The following GSTA5 variants were observed in gnomAD, a reference collection of about 807,000 sequenced individuals.
The protein encoded by GSTA5 is glutathione S-transferase A5.
Under a neutral mutation model 21.8 loss-of-function variants are expected in GSTA5, and 25 were observed. The observed-to-expected ratio is 1.14, with a 90% confidence interval of 0.83 to 1.60. The LOEUF (loss-of-function observed/expected upper bound fraction) is 1.60, where lower values mean the gene tolerates loss of function less well. Among genes scored for constraint, GSTA5 ranks in the 40% most tolerant of loss-of-function variants. The pLI is 0.00. For missense variants in GSTA5, 330 were observed against 259.2 expected (o/e 1.27, Z -1.88); for synonymous variants, 102 against 89.5 (o/e 1.14, Z -0.78).
chr6:52,834,904 C>T (rs1344424415), intron 3 of GSTA5, among the ~76,000 whole-genome samples: 1 of 152,196 alleles, frequency 6.6e-6, no homozygotes, highest in East Asian at 1.9e-4. Flanking sequence ...ACCTAAGAAT[C>T]CCCTTCCCCG....
exon 6 of GSTA5, chr6:52,831,933 T>C: frequency 6.2e-7 from 1 of 1,614,022 alleles, no homozygotes; most frequent in Non-Finnish European, 8.5e-7. Flanking sequence ...CAGAAACTTC[T>C]TCACCGTGGG....
At chr6:52,840,277 G>A (rs1764353810) in intron 1 of GSTA5, among the ~76,000 whole-genome samples, 1 of 152,084 alleles carries the variant, frequency 6.6e-6, no homozygotes, top group African/African-American at 2.4e-5. Flanking sequence ...TTCTCCTTTT[G>A]TAATAATTCC....
exon 1 of GSTA5, chr6:52,840,771 T>A (rs201823448): frequency 1.2e-6 from 2 of 1,614,164 alleles, no homozygotes; most frequent in East Asian, 4.5e-5. Flanking sequence ...GACTCCATAC[T>A]GCCCCGTGCA....
chr6:52,835,874 C>T (rs1442708556), intron 3 of GSTA5, among the ~76,000 whole-genome samples: 2 of 152,184 alleles, frequency 1.3e-5, no homozygotes, highest in African/African-American at 2.4e-5. Context: ...CATCTACAGA[C>T]TCTCAGACAT....
At chr6:52,844,799 C>T (rs989521586), upstream of GSTA5, among the ~76,000 whole-genome samples, 1 of 152,160 alleles carries the variant, frequency 6.6e-6, no homozygotes, top group African/African-American at 2.4e-5. Flanking sequence ...TGTCCCAGTG[C>T]TTGGAAGATG....
At chr6:52,832,778 C>T (rs4715344) in intron 5 of GSTA5, 81 bp downstream of exon 5, 771,865 of 1,598,840 alleles carry the variant, frequency 0.48, 193,971 homozygotes, top group East Asian at 0.7. Context: ...GGGGTCAAAA[C>T]ATGGTCAGTC....
upstream of GSTA5, among the ~76,000 whole-genome samples, chr6:52,841,461 G>A (rs530596327): frequency 6.6e-5 from 10 of 152,348 alleles, no homozygotes; most frequent in East Asian, 1.7e-3. Flanking sequence ...CTCTGGCTGT[G>A]AGACTGCATT....
intron 2 of GSTA5, among the ~76,000 whole-genome samples, chr6:52,837,179 G>A (rs1377516710): frequency 6.6e-6 from 1 of 152,170 alleles, no homozygotes; most frequent in East Asian, 1.9e-4. Context: ...AAACCTCAAG[G>A]CAATGGCCAC....
chr6:52,844,673 A>G (rs1764429449), upstream of GSTA5, among the ~76,000 whole-genome samples: 1 of 152,176 alleles, frequency 6.6e-6, no homozygotes, highest in Admixed American at 6.5e-5. Flanking sequence ...CTGAGCCTCA[A>G]TTTTCTCTTC....
intron 3 of GSTA5, among the ~76,000 whole-genome samples, chr6:52,835,860 C>T (rs1260866343): frequency 1.3e-5 from 2 of 152,144 alleles, no homozygotes; most frequent in East Asian, 1.9e-4. Context: ...CCTCCCCAGG[C>T]CTTCATCTAC....
At chr6:52,844,319 G>A (rs7748890), upstream of GSTA5, among the ~76,000 whole-genome samples, 24,730 of 152,048 alleles carry the variant, frequency 0.16, 4,038 homozygotes, top group African/African-American at 0.42. Flanking sequence ...ACTAAATGTT[G>A]GAAGGAGAGG....
exon 6 of GSTA5, chr6:52,831,801 CTG>C (rs1561925096): frequency 6.2e-7 from 1 of 1,608,508 alleles, no homozygotes; most frequent in Admixed American, 1.7e-5. Flanking sequence ...TTGTTGCAAA[CTG>C]TAGAATATTG....
chr6:52,833,092 C>T (rs4715347), intron 4 of GSTA5, 102 bp from the exon 5 acceptor site: 1,340,048 of 1,351,196 alleles, frequency 0.99, 665,076 homozygotes, highest in East Asian at 1. Context: ...ACCTCTGTTG[C>T]CTTATTGCAT....
chr6:52,833,418 C>A (rs572372248), intron 4 of GSTA5, among the ~76,000 whole-genome samples: 2 of 152,308 alleles, frequency 1.3e-5, no homozygotes, highest in East Asian at 3.9e-4. Flanking sequence ...CACTTTTCCC[C>A]TAGAAGGAGA....
chr6:52,841,063 C>A (rs1764367768), upstream of GSTA5, among the ~76,000 whole-genome samples: 1 of 152,084 alleles, frequency 6.6e-6, no homozygotes, highest in Non-Finnish European at 1.5e-5. Flanking sequence ...TCTTGGCAGC[C>A]TAAGAGGTGA....
At chr6:52,835,918 T>C (rs1764285519) in intron 3 of GSTA5, among the ~76,000 whole-genome samples, 1 of 152,212 alleles carries the variant, frequency 6.6e-6, no homozygotes, top group African/African-American at 2.4e-5. Flanking sequence ...GGCTGGAGTC[T>C]AGCCTCTGAA....
chr6:52,832,897 G>A, exon 5 of GSTA5: 1 of 1,614,084 alleles, frequency 6.2e-7, no homozygotes, highest in Non-Finnish European at 8.5e-7. Flanking sequence ...CTCGAGTCAA[G>A]CTCTTCCACG....
chr6:52,835,990 G>A (rs1027593024), intron 3 of GSTA5, among the ~76,000 whole-genome samples: 2 of 152,102 alleles, frequency 1.3e-5, no homozygotes, highest in African/African-American at 2.4e-5. Context: ...ATGAGTGTCT[G>A]GAAACCTCAG....
At chr6:52,833,694 C>T (rs1764249399) in intron 4 of GSTA5, among the ~76,000 whole-genome samples, 1 of 152,184 alleles carries the variant, frequency 6.6e-6, no homozygotes, top group Non-Finnish European at 1.5e-5. Context: ...ATACTGATCC[C>T]TGAAACACTG....
Sources: gnomAD v4.1 joint callset for allele counts (sites outside exome capture counted in the v4.1 genomes callset) on GRCh38, gnomAD v4.1.1 for gene constraint, MANE v1.5 for transcripts, NCBI Gene and HGNC (gene_info 2026-07-23, HGNC 2026-07-21) for gene names.